The following NPAT variants were observed in gnomAD, a reference collection of about 807,000 sequenced individuals.
NPAT encodes the protein nuclear protein, coactivator of histone transcription.
In NPAT, 52 loss-of-function variants were observed where a neutral mutation model predicts 130.7. That is an observed-to-expected ratio of 0.40 (90% CI 0.32 to 0.50). The LOEUF is 0.50. NPAT is among the 20% of genes least tolerant of loss of function. The probability of loss-of-function intolerance (pLI) is 0.68; values close to 1 mark genes in which losing one functional copy is unlikely to be tolerated. For missense variants in NPAT, 1,687 were observed against 1,662.6 expected (o/e 1.01, Z -0.26); for synonymous variants, 580 against 584.8 (o/e 0.99, Z 0.12).
intron 1 of NPAT, among the ~76,000 whole-genome samples, chr11:108,220,642 A>G (rs1338798874): frequency 6.6e-6 from 1 of 152,228 alleles, no homozygotes; most frequent in Non-Finnish European, 1.5e-5. Context: ...AATAAACCTC[A>G]TATGAGAAAG....
intron 1 of NPAT, among the ~76,000 whole-genome samples, chr11:108,210,457 C>T (rs1478961123): frequency 6.6e-6 from 1 of 152,174 alleles, no homozygotes; most frequent in Non-Finnish European, 1.5e-5. Context: ...ATGTGAGAGG[C>T]CAGCTTCCCC....
At chr11:108,218,448 A>C (rs1591423000) in intron 1 of NPAT, among the ~76,000 whole-genome samples, 1 of 152,358 alleles carries the variant, frequency 6.6e-6, no homozygotes, top group East Asian at 1.9e-4. Flanking sequence ...TATTTCCTAG[A>C]AAGATTAGTA....
chr11:108,208,805 C>A (rs1366980174), intron 1 of NPAT, among the ~76,000 whole-genome samples: 1 of 152,110 alleles, frequency 6.6e-6, no homozygotes, highest in Non-Finnish European at 1.5e-5. Context: ...AGCAACTAGA[C>A]CTACCAGATA....
At chr11:108,184,450 CGACAAAGTGA>C (rs1555042950) in intron 10 of NPAT, among the ~76,000 whole-genome samples, 1 of 145,124 alleles carries the variant, frequency 6.9e-6, no homozygotes, top group Non-Finnish European at 1.5e-5. Context: ...CCAGCCTGGG[CGACAAAGTGA>C]GACTCCATCT....
At chr11:108,197,135 T>A (rs1271128727) in intron 2 of NPAT, among the ~76,000 whole-genome samples, 167 bp downstream of exon 2, 1 of 152,214 alleles carries the variant, frequency 6.6e-6, no homozygotes, top group Admixed American at 6.5e-5. Flanking sequence ...GGCATAAATT[T>A]GTAAAAAGAA....
At position 108,161,844 on chromosome 11, in the gene NPAT, T is replaced by C. The variant is rs1418630369; in HGVS notation, c.3242A>G (p.His1081Arg). Residue 1081 changes from histidine (H) to arginine (R), a missense_variant, in exon 17 of 18, where the codon CAT becomes CGT. Transcript: ENST00000278612. ...TTCTTTGTTTTGGGACACCATCTTA[T>C]GGTTTGGCCCCTGCGTATTTGCCAC... ...APVANTQGPN[H>R]KMVSQNKERN... The C allele has an allele frequency of 6.2e-7, 1 of 1,614,174 alleles. No homozygotes were observed.
In NPAT at chr11:108,176,383, A is replaced by G; in HGVS notation, c.1004-9T>C. 6 of 1,515,532 alleles carry G rather than the reference A, an allele frequency of 4.0e-6. No individual in the cohort carries two copies. Among genetic ancestry groups the G allele is most frequent in the Non-Finnish European group, 5.5e-6 (6 of 1,092,012 alleles). 93.9% of individuals were successfully genotyped at this position (1,515,532 alleles called of 1,614,324 possible). A position where few individuals can be genotyped will look rare whatever the true frequency, so the allele number is the denominator to read the frequency against. Reference sequence around the variant, plus strand: ...ATTATTCTTTGTTTTGCCTGTTAAAAAGGGAATATGGAAATAATTAAATGA... The same window carrying G: ...ATTATTCTTTGTTTTGCCTGTTAAAGAGGGAATATGGAAATAATTAAATGA... On this transcript the variant is annotated splice_polypyrimidine_tract_variant and intron_variant, in intron 11 of 17. Transcript: ENST00000278612.
At chr11:108,195,154 C>T (rs1246541930) in intron 2 of NPAT, among the ~76,000 whole-genome samples, 1 of 152,120 alleles carries the variant, frequency 6.6e-6, no homozygotes, top group East Asian at 1.9e-4. Context: ...TAAGCAAACA[C>T]CAGTGTCTAG....
chr11:108,161,038 T>C lies in NPAT; in HGVS notation c.4048A>G (p.Thr1350Ala). 6.2e-7 allele frequency: 1 copy of C among 1,614,046 alleles called. No homozygotes were observed. The highest frequency in any genetic ancestry group is 8.5e-7 in the Non-Finnish European group (1 of 1,179,992). The change falls in exon 17 of 18, where the codon ACT (threonine) becomes GCT (alanine). Residue 1350 changes from threonine to alanine, a missense_variant. By Grantham distance (58) the Thr-to-Ala change is moderately conservative. Around this residue, in one of 3 missense-constraint regions of NPAT, gnomAD observed 1,379 missense variants for 1,346.6 expected, o/e 1.02. Coordinates refer to ENST00000278612, the MANE Select transcript of NPAT (RefSeq NM_002519.3). ...TGTTGTGTGTTATCTTTCAGAGGAGTTGCTGAAGTAGTCCTAGAAATGGCT... is the reference window on the plus strand; with the variant it reads ...TGTTGTGTGTTATCTTTCAGAGGAGCTGCTGAAGTAGTCCTAGAAATGGCT... ...RAAISRTTSA[T>A]PLKDNTQQFR...
At chr11:108,179,770 G>C (rs571578082) in intron 10 of NPAT, among the ~76,000 whole-genome samples, 1 of 151,836 alleles carries the variant, frequency 6.6e-6, no homozygotes, top group East Asian at 1.9e-4. Flanking sequence ...GCAACATAGG[G>C]AGACCTCACC....
At chr11:108,165,345 C>T (rs1012189336) in intron 15 of NPAT, among the ~76,000 whole-genome samples, 1 of 151,022 alleles carries the variant, frequency 6.6e-6, no homozygotes, top group Non-Finnish European at 1.5e-5. Flanking sequence ...CTCCTGGGCT[C>T]GCATTCCTCC....
At position 108,185,256 on chromosome 11, in the gene NPAT, T is replaced by G. The variant is rs1302611552; in HGVS notation, c.882A>C (p.Ser294=). The G allele has an allele frequency of 1.9e-6, 3 of 1,612,196 alleles. No individual in the cohort carries two copies. Among genetic ancestry groups the G allele is most frequent in the South Asian group, 1.1e-5 (1 of 90,622 alleles). ...CCGGAAGTCCTAGGAATTCATCAAT[T>G]GAAGTCTCTGGCTCCGTAGGGTTGT... is the stretch of plus-strand genomic sequence containing the variant. ...TDNNPTEPET[S]IDEFLGLPSE... Residue 294 remains serine (S), a synonymous_variant, in exon 10 of 18, where the codon TCA becomes TCC. Transcript: ENST00000278612.
Position 108,177,050 on chromosome 11 carries a change from AAT to A in NPAT, c.945_946del (p.Leu316GlyfsTer14), listed in dbSNP as rs1368687712. 6.2e-7 allele frequency: 1 copy of A among 1,613,548 alleles called. No homozygotes were observed. Among genetic ancestry groups the A allele is most frequent in the Non-Finnish European group, 8.5e-7 (1 of 1,179,580 alleles). On this transcript the variant is annotated frameshift_variant, in exon 11 of 18. Transcript: ENST00000278612. LOFTEE classifies it high-confidence loss of function. ...TGCTGGGTCTGATTCTGTCTGTTCCAATATGTCCTGTATAGCTTCTTCAGACA... is the reference window on the plus strand; with the variant it reads ...TGCTGGGTCTGATTCTGTCTGTTCCAATGTCCTGTATAGCTTCTTCAGACA...
rs779721763 is a variant in NPAT, at chr11:108,161,499, C to T, written c.3587G>A (p.Arg1196Gln). 15 of 1,614,058 alleles carry T rather than the reference C, an allele frequency of 9.3e-6. No homozygotes were observed. The highest frequency in any genetic ancestry group is 1.6e-4 in the Middle Eastern group (1 of 6,084). Reference sequence around the variant, plus strand: ...CAGTGAAGCTATAGATTTCTCACTTCGCAAACCCCCATTTTGCTGCCCAAT... The same window carrying T: ...CAGTGAAGCTATAGATTTCTCACTTTGCAAACCCCCATTTTGCTGCCCAAT... ...LSIGQQNGGL[R>Q]SEKSIASLQE... The change falls in exon 17 of 18, where the codon CGA (arginine) becomes CAA (glutamine). Residue 1196 changes from arginine to glutamine, a missense_variant. Arg to Gln is a conservative substitution (Grantham distance 43). Around this residue, in one of 3 missense-constraint regions of NPAT, gnomAD observed 1,379 missense variants for 1,346.6 expected, o/e 1.02. Coordinates refer to ENST00000278612, the MANE Select transcript of NPAT (RefSeq NM_002519.3).
At chr11:108,189,727 G>A (rs908666980) in intron 5 of NPAT, among the ~76,000 whole-genome samples, 1 of 151,176 alleles carries the variant, frequency 6.6e-6, no homozygotes, top group Non-Finnish European at 1.5e-5. Flanking sequence ...AAAATTAGCC[G>A]GGCGTGGTAG....
intron 1 of NPAT, among the ~76,000 whole-genome samples, chr11:108,218,019 T>C (rs562499974): frequency 1.3e-5 from 2 of 152,186 alleles, no homozygotes; most frequent in East Asian, 3.9e-4. Flanking sequence ...AAATAGAAAA[T>C]ACAAACTAGG....
intron 1 of NPAT, among the ~76,000 whole-genome samples, chr11:108,206,144 C>A (rs2078322974): frequency 6.6e-6 from 1 of 152,200 alleles, no homozygotes; most frequent in Non-Finnish European, 1.5e-5. Flanking sequence ...CTGTACACAA[C>A]AATATGGGCA....
At position 108,176,235 on chromosome 11, in the gene NPAT, T is replaced by G; in HGVS notation, c.1132+11A>C. On this transcript the variant is annotated intron_variant, in intron 12 of 17. Transcript: ENST00000278612. ...TTTGGATTGATGATATTAACAAAAT[T>G]AAATTCTTACCAGATTCTTCTGTTT... 6.4e-7 allele frequency: 1 copy of G among 1,557,064 alleles called. No individual in the cohort carries two copies.
intron 1 of NPAT, among the ~76,000 whole-genome samples, chr11:108,211,261 G>A (rs1385519103): frequency 6.6e-6 from 1 of 152,012 alleles, no homozygotes; most frequent in East Asian, 1.9e-4. Flanking sequence ...TCCTCAACAG[G>A]GTGGGCACAG....
Sources: gnomAD v4.1 joint callset for allele counts (sites outside exome capture counted in the v4.1 genomes callset) on GRCh38, gnomAD v4.1.1 for gene constraint, gnomAD v4.1.1 regional missense constraint, MANE v1.5 for transcripts, NCBI Gene and HGNC (gene_info 2026-07-23, HGNC 2026-07-21) for gene names.